ZNF423: variants seen among roughly 807,000 people sequenced by gnomAD.
ZNF423 encodes zinc finger protein 423.
In ZNF423, 12 loss-of-function variants were observed where a neutral mutation model predicts 95.8. The observed-to-expected ratio is 0.13, with a 90% CI of 0.08 to 0.20. The LOEUF is 0.20. ZNF423 is among the 10% of genes least tolerant of loss of function. ZNF423 has a pLI of 1.00. For synonymous variants in ZNF423, 749 were observed against 711.9 expected (o/e 1.05, Z -0.83); for missense variants, 1,316 against 1,737.1 (o/e 0.76, Z 4.31).
At chr16:49,687,926 G>T (rs1293211937) in intron 3 of ZNF423, among the ~76,000 whole-genome samples, 3 of 152,060 alleles carry the variant, frequency 2.0e-5, no homozygotes, top group Non-Finnish European at 4.4e-5. Context: ...CCCAAGGGAG[G>T]GACACGGCTG....
At chr16:49,765,430 C>T (rs1281450872) in intron 2 of ZNF423, among the ~76,000 whole-genome samples, 2 of 152,006 alleles carry the variant, frequency 1.3e-5, no homozygotes, top group African/African-American at 4.8e-5. Flanking sequence ...AACAAATTTT[C>T]CTGGGTACAG....
At chr16:49,744,600 C>T (rs1489822895) in intron 2 of ZNF423, among the ~76,000 whole-genome samples, 1 of 148,324 alleles carries the variant, frequency 6.7e-6, no homozygotes, top group African/African-American at 2.4e-5. Context: ...ATGGGGACTG[C>T]ACTCAGACCC....
At chr16:49,537,616 C>A (rs1418108246) in intron 5 of ZNF423, among the ~76,000 whole-genome samples, 1 of 152,180 alleles carries the variant, frequency 6.6e-6, no homozygotes, top group East Asian at 1.9e-4. Context: ...GCTGAAAAGT[C>A]ACCCAAGATA....
Position 49,638,375 on chromosome 16 carries a change from C to A in ZNF423, c.801G>T (p.Lys267Asn). ...EHLAKSEKEA[K>N]KDDFMCDYCE... ...AGTAGTCGCACATGAAGTCGTCCTT[C>A]TTGGCTTCCTTCTCCGACTTGGCCA... The change falls in exon 4 of 8, where the codon AAG (lysine) becomes AAT (asparagine). Residue 267 changes from lysine to asparagine, a missense_variant. By Grantham distance (94) the Lys-to-Asn change is moderately conservative. This residue lies in a region of ZNF423 where 399 missense variants were observed against 478.5 expected (regional missense o/e 0.83). Coordinates refer to ENST00000563137, the MANE Select transcript of ZNF423 (RefSeq NM_001379286.1). The surrounding 1 kb of genome is among the most constrained non-coding windows in gnomAD (Gnocchi z 5.6). The A allele has an allele frequency of 6.2e-7, 1 of 1,614,050 alleles. No individual in the cohort carries two copies. The highest frequency in any genetic ancestry group is 8.5e-7 in the Non-Finnish European group (1 of 1,180,034).
intron 5 of ZNF423, among the ~76,000 whole-genome samples, chr16:49,526,597 C>T (rs530794881): frequency 3.3e-5 from 5 of 152,280 alleles, no homozygotes; most frequent in African/African-American, 4.8e-5. Flanking sequence ...CCCTGCTTCC[C>T]GGGCTGCAGG....
chr16:49,643,655 A>T (rs2151894645), intron 3 of ZNF423, among the ~76,000 whole-genome samples: 1 of 150,306 alleles, frequency 6.7e-6, no homozygotes, highest in Middle Eastern at 3.4e-3. Context: ...AGTAAATGCA[A>T]TCAAAGAACT....
intron 5 of ZNF423, among the ~76,000 whole-genome samples, chr16:49,557,527 G>A (rs951047959): frequency 6.6e-6 from 1 of 152,234 alleles, no homozygotes; most frequent in Admixed American, 6.5e-5. Flanking sequence ...GGGGGTGGTG[G>A]TGGGGACACG....
chr16:49,739,894 T>G (rs1030742488), intron 2 of ZNF423, among the ~76,000 whole-genome samples: 1 of 151,878 alleles, frequency 6.6e-6, no homozygotes, highest in Non-Finnish European at 1.5e-5. Flanking sequence ...AGTCTTGCTG[T>G]GTCACCCAGG....
chr16:49,731,916 T>G (rs2033178679), intron 2 of ZNF423, among the ~76,000 whole-genome samples: 2 of 152,220 alleles, frequency 1.3e-5, no homozygotes, highest in Admixed American at 6.5e-5. Flanking sequence ...ACAGCTACTG[T>G]GCTTAGCACT....
intron 2 of ZNF423, among the ~76,000 whole-genome samples, chr16:49,783,594 G>A (rs1197860725): frequency 7.4e-6 from 1 of 135,100 alleles, no homozygotes; most frequent in Non-Finnish European, 1.6e-5. Flanking sequence ...AGGTGTAGGG[G>A]TAGGTTTCGT....
chr16:49,518,682 C>T (rs1014066432), intron 7 of ZNF423: 3 of 359,596 alleles, frequency 8.3e-6, no homozygotes, highest in Non-Finnish European at 1.6e-5. Flanking sequence ...ATATTTTTAC[C>T]TTTTTCCAGA....
intron 1 of ZNF423, among the ~76,000 whole-genome samples, chr16:49,846,051 A>G (rs2035241547): frequency 6.6e-6 from 1 of 152,008 alleles, no homozygotes; most frequent in Non-Finnish European, 1.5e-5. Flanking sequence ...TCAAGCTAAA[A>G]AGCCACGGAT....
At position 49,625,150 on chromosome 16, in the gene ZNF423, G is replaced by A. The variant is rs139316505; in HGVS notation, c.3601+1020C>T. Among the ~76,000 whole-genome samples, 78 of 152,292 alleles carry A rather than the reference G, an allele frequency of 5.1e-4. 1 individual carries two copies. Among genetic ancestry groups the A allele is most frequent in the Admixed American group, 9.2e-4 (14 of 15,290 alleles). On this transcript the variant is annotated intron_variant, in intron 5 of 7. Transcript: ENST00000563137. Reference sequence around the variant, plus strand: ...TCCCAGCACTTTGGGAGGCCAAGGCGGGTGGATCACGAGGTCAGGAGTTCA... The same window carrying A: ...TCCCAGCACTTTGGGAGGCCAAGGCAGGTGGATCACGAGGTCAGGAGTTCA...
chr16:49,855,205 C>T lies in ZNF423; in HGVS notation c.40+530G>A, dbSNP rs1456525928. ...CGGGGCGCTCGCCGACAGCGCCCGC[C>T]GCTCCCCGCGTCCTCGGGCGACCAG... On this transcript the variant is annotated intron_variant, in intron 1 of 7. Transcript: ENST00000563137. This position sits in a 1 kb window ranked among gnomAD's most constrained non-coding sequence, Gnocchi z 4.7. Among the ~76,000 whole-genome samples the T allele has an allele frequency of 7.9e-6, 1 of 126,684 alleles. No individual in the cohort carries two copies. Among genetic ancestry groups the T allele is most frequent in the Non-Finnish European group, 1.8e-5 (1 of 54,940 alleles). 83.1% of individuals were successfully genotyped at this position (126,684 alleles called of 152,430 possible).
intron 3 of ZNF423, among the ~76,000 whole-genome samples, chr16:49,682,325 C>A (rs762316235): frequency 6.6e-6 from 1 of 152,146 alleles, no homozygotes; most frequent in Non-Finnish European, 1.5e-5. Context: ...AATGACCATG[C>A]TAGAGCTTGC....
At chr16:49,623,304 ACAG>A (rs937760544) in intron 5 of ZNF423, among the ~76,000 whole-genome samples, 5 of 152,288 alleles carry the variant, frequency 3.3e-5, no homozygotes, top group African/African-American at 1.2e-4. Flanking sequence ...AGCCCGGCCC[ACAG>A]CTCATACACA....
At chr16:49,546,347 A>G (rs1407451556) in intron 5 of ZNF423, among the ~76,000 whole-genome samples, 5 of 152,194 alleles carry the variant, frequency 3.3e-5, no homozygotes, top group Non-Finnish European at 5.9e-5. Flanking sequence ...TCCAAACAGT[A>G]CAAACGCTTT....
chr16:49,673,882 A>T (rs61422591), intron 3 of ZNF423, among the ~76,000 whole-genome samples: 5,051 of 152,284 alleles, frequency 0.033, 293 homozygotes, highest in African/African-American at 0.12. Context: ...ACAAGGTAAG[A>T]CAGTCCATGG....
At chr16:49,501,762 T>A (rs549622156) in intron 7 of ZNF423, among the ~76,000 whole-genome samples, 1 of 152,092 alleles carries the variant, frequency 6.6e-6, no homozygotes, top group Non-Finnish European at 1.5e-5. Flanking sequence ...TTATCCTAAG[T>A]GAACTAATGC....
Sources: allele counts gnomAD v4.1 joint callset (sites outside exome capture counted in the v4.1 genomes callset), GRCh38; gene constraint gnomAD v4.1.1; regional missense constraint gnomAD v4.1.1; non-coding constraint Gnocchi (gnomAD v3.1); transcripts MANE v1.5; gene names NCBI Gene and HGNC (gene_info 2026-07-23, HGNC 2026-07-21).